The following XRN1 variants were observed in gnomAD, a reference collection of about 807,000 sequenced individuals.
XRN1 encodes the protein strand-exchange protein 1 homolog.
Under a neutral mutation model 222.3 loss-of-function variants are expected in XRN1, and 67 were observed. That is an observed-to-expected ratio of 0.30 (90% CI 0.25 to 0.37). The LOEUF (loss-of-function observed/expected upper bound fraction) is 0.37, where lower values mean the gene tolerates loss of function less well. Among genes scored for constraint, XRN1 ranks in the 10% least tolerant of loss-of-function variants. XRN1 has a pLI of 1.00. For synonymous variants in XRN1, 643 were observed against 652.4 expected, an observed-to-expected ratio of 0.99 and a Z score of 0.22; for missense variants, 1,707 against 2,000.2, an observed-to-expected ratio of 0.85 and a Z score of 2.80.
At chr3:142,318,473 G>T in intron 39 of XRN1, 119 bp downstream of exon 39, 1 of 938,962 alleles carries the variant, frequency 1.1e-6, no homozygotes, top group Non-Finnish European at 1.6e-6. Flanking sequence ...TGTGGCTTTA[G>T]GCTTTCTCAC....
In XRN1 at chr3:142,333,292, T is replaced by C. The variant is rs539246126; in HGVS notation, c.3940-203A>G. On this transcript the variant is annotated intron_variant, in intron 34 of 40. Transcript: ENST00000392981. Reference sequence around the variant, plus strand: ...AACCAGTCACAACCTTTTGGGTTTCTGAGACTTCTGGACTTTCATTTCTCT... The same window carrying C: ...AACCAGTCACAACCTTTTGGGTTTCCGAGACTTCTGGACTTTCATTTCTCT... 1.2e-3 allele frequency among the ~76,000 whole-genome samples: 184 copies of C among 152,324 alleles called. 1 individual carries two copies. Among genetic ancestry groups the C allele is most frequent in the Middle Eastern group, 3.4e-3 (1 of 294 alleles).
At chr3:142,398,313 AT>A (rs1249777248) in intron 19 of XRN1, among the ~76,000 whole-genome samples, 1 of 152,042 alleles carries the variant, frequency 6.6e-6, no homozygotes, top group Non-Finnish European at 1.5e-5. Context: ...AAAAATAAAC[AT>A]TTTTAAAGAG....
At chr3:142,418,638 C>G in intron 11 of XRN1, 29 bp from the exon 12 acceptor site, 1 of 1,547,276 alleles carries the variant, frequency 6.5e-7, no homozygotes, top group Non-Finnish European at 8.8e-7. Flanking sequence ...AAGATAGTGA[C>G]TGACAATTAT....
chr3:142,380,325 C>T (rs2067265811), intron 22 of XRN1, 145 bp from the exon 23 acceptor site: 1 of 656,402 alleles, frequency 1.5e-6, no homozygotes. Flanking sequence ...TATGAAAATA[C>T]TGTAAATTTG....
intron 32 of XRN1, among the ~76,000 whole-genome samples, chr3:142,354,323 G>C (rs2066400930): frequency 6.6e-6 from 1 of 152,120 alleles, no homozygotes; most frequent in Non-Finnish European, 1.5e-5. Context: ...ATAAACTCCT[G>C]GTAGGAATGT....
intron 21 of XRN1, among the ~76,000 whole-genome samples, chr3:142,384,282 AAAG>A (rs2067414902): frequency 6.6e-6 from 1 of 151,368 alleles, no homozygotes; most frequent in African/African-American, 2.4e-5. Flanking sequence ...AAAAAAAAAA[AAAG>A]AAAAAAAAAA....
At chr3:142,369,582 A>G (rs2066920333) in intron 27 of XRN1, among the ~76,000 whole-genome samples, 1 of 149,540 alleles carries the variant, frequency 6.7e-6, no homozygotes, top group Admixed American at 6.7e-5. Flanking sequence ...TGGGAGGTGG[A>G]GGTTGCAGTG....
intron 33 of XRN1, among the ~76,000 whole-genome samples, chr3:142,342,562 T>C (rs139905217): frequency 8.5e-5 from 13 of 152,162 alleles, no homozygotes; most frequent in South Asian, 2.1e-4. Context: ...ACTATGGTAA[T>C]GAAAATGGCA....
At position 142,329,395 on chromosome 3, in the gene XRN1, T is replaced by C. The variant is rs1389823036; in HGVS notation, c.4404+39A>G. 3.8e-6 allele frequency: 5 copies of C among 1,309,796 alleles called. No homozygotes were observed. In the African/African-American group the frequency reaches 4.7e-5, roughly 12 times the overall value. 81.1% of individuals were successfully genotyped at this position (1,309,796 alleles called of 1,614,324 possible). ...TCAACCAATTTATTTAAGCTTAATG[T>C]TAAATAATTTATATAAATAGAACAG... On this transcript the variant is annotated intron_variant, in intron 37 of 40. Transcript: ENST00000392981.
At chr3:142,349,828 A>G (rs2066255070) in intron 32 of XRN1, among the ~76,000 whole-genome samples, 1 of 152,194 alleles carries the variant, frequency 6.6e-6, no homozygotes, top group Non-Finnish European at 1.5e-5. Context: ...GAGAGTGTTC[A>G]GCTGAAATAA....
chr3:142,415,265 A>T (rs1293421516), intron 13 of XRN1, among the ~76,000 whole-genome samples: 1 of 152,128 alleles, frequency 6.6e-6, no homozygotes, highest in Non-Finnish European at 1.5e-5. Context: ...ATATGCTTCT[A>T]ATGTTTGAGT....
intron 15 of XRN1, 40 bp from the exon 16 acceptor site, chr3:142,405,116 A>C (rs2108035841): frequency 6.3e-7 from 1 of 1,575,582 alleles, no homozygotes; most frequent in East Asian, 2.2e-5. Context: ...CAAGCATAAA[A>C]ATTCCATAAT....
chr3:142,327,499 G>A (rs1210294614), intron 37 of XRN1, among the ~76,000 whole-genome samples: 7 of 148,706 alleles, frequency 4.7e-5, no homozygotes, highest in African/African-American at 9.9e-5. Flanking sequence ...TTTACAGTCC[G>A]GCTAAAGGTT....
intron 37 of XRN1, among the ~76,000 whole-genome samples, chr3:142,327,106 G>GT (rs1297044164): frequency 6.6e-6 from 1 of 151,974 alleles, no homozygotes; most frequent in Non-Finnish European, 1.5e-5. Flanking sequence ...TTTGGTTTTG[G>GT]TATCAGGGTA....
intron 15 of XRN1, among the ~76,000 whole-genome samples, chr3:142,412,032 G>GCGA (rs2108065089): frequency 6.6e-6 from 1 of 152,012 alleles, no homozygotes; most frequent in African/African-American, 2.4e-5. Flanking sequence ...CACTGTGTTA[G>GCGA]CCAGGATGGT....
At chr3:142,388,972 T>C (rs1027792820) in intron 20 of XRN1, among the ~76,000 whole-genome samples, 2 of 152,174 alleles carry the variant, frequency 1.3e-5, no homozygotes, top group Non-Finnish European at 2.9e-5. Context: ...CTTTGGCACG[T>C]TGGGAGGCCA....
rs1197010818 is a variant in XRN1, at chr3:142,432,199, T to TATAAA, written c.308+461_308+462insTTTAT. Among the ~76,000 whole-genome samples the TATAAA allele has an allele frequency of 8.9e-4, 89 of 99,606 alleles. 1 individual carries two copies. Among genetic ancestry groups the TATAAA allele is most frequent in the African/African-American group, 3.3e-3 (83 of 25,100 alleles). 65.3% of individuals were successfully genotyped at this position (99,606 alleles called of 152,430 possible). ...AAATGTTTTATATATAAAATTTATTTTATATATAATTAATTATATATATAA... is the reference window on the plus strand; with the variant it reads ...AAATGTTTTATATATAAAATTTATTTATAAATATATATAATTAATTATATATATAA... On this transcript the variant is annotated intron_variant, in intron 2 of 40. Coordinates refer to ENST00000392981, the MANE Select transcript of XRN1 (RefSeq NM_001282857.2).
rs56051033 is a variant in XRN1 at position 142,340,140 on chromosome 3, G to A, written c.3878-4631C>T. On this transcript the variant is annotated intron_variant, in intron 33 of 40. Transcript: ENST00000392981. ...GGAGGCCGAGGTAGGTGGATCACCT[G>A]AGGTCGGGAGTTCGAGACCAGCCTG... is the stretch of plus-strand genomic sequence containing the variant. Among the ~76,000 whole-genome samples the A allele has an allele frequency of 1.2e-3, 184 of 152,256 alleles. 1 individual carries two copies. The highest frequency in any genetic ancestry group is 3.4e-3 in the Middle Eastern group (1 of 294).
At chr3:142,349,630 T>C (rs763743313) in intron 32 of XRN1, among the ~76,000 whole-genome samples, 1 of 152,152 alleles carries the variant, frequency 6.6e-6, no homozygotes, top group African/African-American at 2.4e-5. Flanking sequence ...TATAGTTCTT[T>C]AGGGTGTTCT....
Sources: allele counts gnomAD v4.1 joint callset (sites outside exome capture counted in the v4.1 genomes callset), GRCh38; gene constraint gnomAD v4.1.1; transcripts MANE v1.5; gene names NCBI Gene and HGNC (gene_info 2026-07-23, HGNC 2026-07-21).